PLCL1: variants seen among roughly 807,000 people sequenced by gnomAD.
The protein encoded by PLCL1 is inactive phospholipase C-like protein 1.
PLCL1 carries 41 observed loss-of-function variants against 84.4 expected under a neutral mutation model. The ratio of observed to expected loss-of-function variants is 0.49; its 90% CI spans 0.38 to 0.63. PLCL1 has a LOEUF of 0.63. PLCL1 is among the 30% of genes least tolerant of loss of function. PLCL1 has a pLI of 0.00. For missense variants in PLCL1, 1,206 were observed against 1,367.8 expected, an observed-to-expected ratio of 0.88 and a Z score of 1.87; for synonymous variants, 490 against 488.3, an observed-to-expected ratio of 1.00 and a Z score of -0.05.
intron 1 of PLCL1, among the ~76,000 whole-genome samples, chr2:197,866,735 A>G (rs556011729): frequency 6.6e-6 from 1 of 152,204 alleles, no homozygotes; most frequent in African/African-American, 2.4e-5. Context: ...AGCTCCAAGC[A>G]CCCACTCTGG....
At chr2:197,928,505 A>G (rs1244043394) in intron 1 of PLCL1, among the ~76,000 whole-genome samples, 2 of 152,220 alleles carry the variant, frequency 1.3e-5, no homozygotes, top group Admixed American at 6.5e-5. Context: ...CTGTGCTAAC[A>G]TTATTACCAC....
intron 1 of PLCL1, among the ~76,000 whole-genome samples, chr2:197,906,154 G>C (rs182248998): frequency 6.6e-6 from 1 of 152,252 alleles, no homozygotes; most frequent in East Asian, 1.9e-4. Flanking sequence ...CCTATGTCCT[G>C]AATGGTATTG....
chr2:198,032,269 G>A (rs1159166302), intron 1 of PLCL1, among the ~76,000 whole-genome samples: 1 of 152,064 alleles, frequency 6.6e-6, no homozygotes, highest in African/African-American at 2.4e-5. Flanking sequence ...TCTGAGATAC[G>A]GCTGCACTAG....
chr2:197,985,254 A>G (rs1251122839), intron 1 of PLCL1, among the ~76,000 whole-genome samples: 2 of 152,182 alleles, frequency 1.3e-5, no homozygotes, highest in Non-Finnish European at 2.9e-5. Flanking sequence ...TTACTTGTCA[A>G]ATGGGGAACA....
chr2:197,807,327 A>G lies in PLCL1; in HGVS notation c.240+1988A>G, dbSNP rs368019238. On this transcript the variant is annotated intron_variant, in intron 1 of 5. Transcript: ENST00000428675. ...TATCTATATGTGTCTATGATGAACT[A>G]TAGCAGCTCCTGATTTCTACAAAAA... 1.1e-4 allele frequency among the ~76,000 whole-genome samples: 13 copies of G among 114,858 alleles called. 1 individual carries two copies. Among genetic ancestry groups the G allele is most frequent in the African/African-American group, 4.7e-4 (13 of 27,576 alleles). 75.4% of individuals were successfully genotyped at this position (114,858 alleles called of 152,430 possible).
intron 1 of PLCL1, among the ~76,000 whole-genome samples, chr2:197,930,963 T>G (rs982157969): frequency 1.3e-5 from 2 of 152,152 alleles, no homozygotes; most frequent in African/African-American, 4.8e-5. Context: ...CTATGCCCTA[T>G]TCTACATCAG....
intron 1 of PLCL1, among the ~76,000 whole-genome samples, chr2:197,897,182 T>TCTC (rs1491098976): frequency 6.6e-3 from 303 of 45,742 alleles, no homozygotes; most frequent in African/African-American, 0.017. Context: ...TTCTTCTTCT[T>TCTC]CTTCTTCTCC....
intron 1 of PLCL1, among the ~76,000 whole-genome samples, chr2:197,970,968 A>G (rs1689851602): frequency 6.6e-6 from 1 of 152,246 alleles, no homozygotes; most frequent in African/African-American, 2.4e-5. Context: ...AGATAATTGA[A>G]TATCATATTG....
intron 5 of PLCL1, among the ~76,000 whole-genome samples, chr2:198,145,066 T>C (rs1694486144): frequency 6.6e-6 from 1 of 152,206 alleles, no homozygotes; most frequent in Non-Finnish European, 1.5e-5. Flanking sequence ...AATGATTGAA[T>C]GAACATGTAT....
At chr2:197,933,773 A>G (rs6434946) in intron 1 of PLCL1, among the ~76,000 whole-genome samples, 73,405 of 151,822 alleles carry the variant, frequency 0.48, 18,155 homozygotes, top group Middle Eastern at 0.58. Context: ...CTTATTCTAT[A>G]TTAAATGCTC....
intron 5 of PLCL1, among the ~76,000 whole-genome samples, chr2:198,112,284 C>T (rs942297955): frequency 6.6e-6 from 1 of 151,800 alleles, no homozygotes. Flanking sequence ...TGGACAGGTA[C>T]GATTGGGAAT....
chr2:197,980,130 A>T (rs942612918), intron 1 of PLCL1, among the ~76,000 whole-genome samples: 1 of 152,184 alleles, frequency 6.6e-6, no homozygotes, highest in Non-Finnish European at 1.5e-5. Flanking sequence ...GCGGAAGAGA[A>T]GAGAACAATC....
In PLCL1 at chr2:198,086,126, G is replaced by A. The variant is rs777145016; in HGVS notation, c.2609G>A (p.Arg870Gln). The A allele has an allele frequency of 3.7e-6, 6 of 1,613,728 alleles. No homozygotes were observed. The highest frequency in any genetic ancestry group is 4.2e-6 in the Non-Finnish European group (5 of 1,179,772). The part of the protein sequence containing the change: ...SLSVRMGKKV[R>Q]EYTMLRNIGL... ...TCAGTGAGAATGGGGAAGAAAGTTC[G>A]GGAATATACCATGCTCAGGAATATC... Residue 870 changes from arginine to glutamine, a missense_variant, in exon 2 of 6, where the codon CGG becomes CAG. Physicochemically the swap from Arg to Gln is conservative, Grantham distance 43 (BLOSUM62 1). Coordinates refer to ENST00000428675, the MANE Select transcript of PLCL1 (RefSeq NM_006226.4).
chr2:197,866,603 A>C (rs1050078669), intron 1 of PLCL1, among the ~76,000 whole-genome samples: 1 of 152,114 alleles, frequency 6.6e-6, no homozygotes, highest in Non-Finnish European at 1.5e-5. Flanking sequence ...TTGCTTTTCC[A>C]GCAGCCCTCA....
At chr2:198,021,406 A>T (rs1401247491) in intron 1 of PLCL1, among the ~76,000 whole-genome samples, 2 of 152,202 alleles carry the variant, frequency 1.3e-5, no homozygotes, top group African/African-American at 4.8e-5. Context: ...TCAGAGCAGA[A>T]CTGAAGGAGA....
rs373987257 is a variant in PLCL1 at position 197,900,408 on chromosome 2, GAAAT to G, written c.240+95073_240+95076del. On this transcript the variant is annotated intron_variant, in intron 1 of 5. Transcript: ENST00000428675. The stretch of plus-strand genomic sequence containing the variant: ...AAGATGGAATGGAATGGACTGAGAA[GAAAT>G]AAAGTGAATCTTGGGAAAATTAAGA... 6.5e-4 allele frequency among the ~76,000 whole-genome samples: 99 copies of G among 152,284 alleles called. 1 individual carries two copies. The highest frequency in any genetic ancestry group is 2.4e-3 in the African/African-American group (99 of 41,554).
chr2:197,899,989 C>T (rs1688232889), intron 1 of PLCL1, among the ~76,000 whole-genome samples: 1 of 152,190 alleles, frequency 6.6e-6, no homozygotes, highest in Admixed American at 6.5e-5. Flanking sequence ...GTAAGGTTTG[C>T]TACCCCACTC....
chr2:197,890,712 A>ACC (rs1688003808), intron 1 of PLCL1, among the ~76,000 whole-genome samples: 1 of 145,932 alleles, frequency 6.9e-6, no homozygotes, highest in African/African-American at 2.5e-5. Flanking sequence ...ACACACACAC[A>ACC]TATACGTATA....
At chr2:197,812,806 C>T (rs1240765508) in intron 1 of PLCL1, among the ~76,000 whole-genome samples, 1 of 152,084 alleles carries the variant, frequency 6.6e-6, no homozygotes, top group Admixed American at 6.5e-5. Flanking sequence ...GATGGATGCA[C>T]AAATGAGGCA....
Sources: gnomAD v4.1 joint callset for allele counts (sites outside exome capture counted in the v4.1 genomes callset) on GRCh38, gnomAD v4.1.1 for gene constraint, MANE v1.5 for transcripts, NCBI Gene and HGNC (gene_info 2026-07-23, HGNC 2026-07-21) for gene names.